The following QTMAN variants were observed in gnomAD, a reference collection of about 807,000 sequenced individuals.
QTMAN encodes tRNA-queuosine alpha-mannosyltransferase.
At chr2:144,266,226 G>A in the QTMAN span, among the ~76,000 whole-genome samples, 2 of 152,090 alleles carry the variant, frequency 1.3e-5, no homozygotes, top group African/African-American at 4.8e-5. Flanking sequence ...GATACTAGAA[G>A]GTTAATAAAG....
At chr2:143,958,242 T>A in the QTMAN span, among the ~76,000 whole-genome samples, 1 of 152,086 alleles carries the variant, frequency 6.6e-6, no homozygotes, top group African/African-American at 2.4e-5. Flanking sequence ...AATGTAGACA[T>A]AACTATCAAC....
chr2:144,178,279 C>T, the QTMAN span: 1 of 152,112 alleles, frequency 6.6e-6, no homozygotes, highest in Admixed American at 6.6e-5. Context: ...TCACGCTTAT[C>T]CACCATTTTG....
chr2:144,233,933 G>A, the QTMAN span, among the ~76,000 whole-genome samples: 1 of 151,936 alleles, frequency 6.6e-6, no homozygotes, highest in Non-Finnish European at 1.5e-5. Context: ...CAGAGACCAA[G>A]AAATACATGA....
chr2:144,177,293 A>G, the QTMAN span: 1 of 636,548 alleles, frequency 1.6e-6, no homozygotes. Context: ...TTTAAACTAG[A>G]CAAACTGATT....
chr2:144,261,015 T>C, the QTMAN span, among the ~76,000 whole-genome samples: 3 of 152,234 alleles, frequency 2.0e-5, 1 homozygote, highest in South Asian at 6.2e-4. Context: ...GAACCATACT[T>C]CCCATTCTAG....
At chr2:143,957,294 T>C in the QTMAN span, 14 of 1,609,682 alleles carry the variant, frequency 8.7e-6, no homozygotes, top group South Asian at 1.1e-4. Context: ...GTAGCCCCAG[T>C]GTAAGACAGA....
At chr2:143,993,644 G>A in the QTMAN span, among the ~76,000 whole-genome samples, 1 of 152,178 alleles carries the variant, frequency 6.6e-6, no homozygotes, top group African/African-American at 2.4e-5. Flanking sequence ...TGAGCCTCTG[G>A]AAGGAGTGAG....
At chr2:144,178,883 A>G in the QTMAN span, 62 of 419,270 alleles carry the variant, frequency 1.5e-4, no homozygotes, top group Admixed American at 1.2e-3. Context: ...TGCATTTTCA[A>G]TGTTGACCTG....
At chr2:144,280,665 T>C in the QTMAN span, among the ~76,000 whole-genome samples, 1 of 152,238 alleles carries the variant, frequency 6.6e-6, no homozygotes, top group South Asian at 2.1e-4. Context: ...AAAATGTATT[T>C]CGCCCACACA....
At chr2:144,256,722 AAAAGGGAGGG>A in the QTMAN span, among the ~76,000 whole-genome samples, 1 of 151,810 alleles carries the variant, frequency 6.6e-6, no homozygotes, top group Non-Finnish European at 1.5e-5. Flanking sequence ...AAAGGGGAGG[AAAAGGGAGGG>A]AAAGGCATTA....
At chr2:144,156,400 T>A in the QTMAN span, among the ~76,000 whole-genome samples, 1 of 152,042 alleles carries the variant, frequency 6.6e-6, no homozygotes, top group Non-Finnish European at 1.5e-5. Flanking sequence ...AAGAAATGTT[T>A]GAGAGAGAGT....
At chr2:144,028,688 GTTC>G in the QTMAN span, among the ~76,000 whole-genome samples, 2 of 152,096 alleles carry the variant, frequency 1.3e-5, no homozygotes, top group Admixed American at 6.5e-5. Flanking sequence ...AATATATATT[GTTC>G]TTCTACTGGA....
the QTMAN span, among the ~76,000 whole-genome samples, chr2:144,134,904 C>T: frequency 6.6e-6 from 1 of 151,740 alleles, no homozygotes; most frequent in South Asian, 2.1e-4. Flanking sequence ...TATATGCAAC[C>T]ATAATGAAAA....
the QTMAN span, among the ~76,000 whole-genome samples, chr2:144,314,358 T>C: frequency 1.3e-5 from 2 of 152,174 alleles, no homozygotes; most frequent in East Asian, 1.9e-4. Flanking sequence ...TCTATGGAAA[T>C]AGAAATCAGA....
chr2:144,025,164 C>G, the QTMAN span, among the ~76,000 whole-genome samples: 1 of 152,158 alleles, frequency 6.6e-6, no homozygotes, highest in South Asian at 2.1e-4. Flanking sequence ...TACCCCATCA[C>G]TCTCTAACAG....
At chr2:144,277,281 C>G in the QTMAN span, among the ~76,000 whole-genome samples, 1 of 151,954 alleles carries the variant, frequency 6.6e-6, no homozygotes, top group Non-Finnish European at 1.5e-5. Flanking sequence ...TTAGGCAGTA[C>G]TAGTCTACAG....
the QTMAN span, among the ~76,000 whole-genome samples, chr2:143,969,257 A>G: frequency 6.6e-6 from 1 of 152,174 alleles, no homozygotes; most frequent in Non-Finnish European, 1.5e-5. Context: ...CCTTCAATTA[A>G]CACTCGAAAC....
At chr2:143,974,772 C>T in the QTMAN span, among the ~76,000 whole-genome samples, 5 of 151,748 alleles carry the variant, frequency 3.3e-5, no homozygotes, top group African/African-American at 1.2e-4. Flanking sequence ...CACTTTAATG[C>T]TTTTAAGAAA....
chr2:144,052,714 C>T, the QTMAN span, among the ~76,000 whole-genome samples: 13 of 152,126 alleles, frequency 8.5e-5, no homozygotes, highest in Non-Finnish European at 1.8e-4. Context: ...TGCGGTGGCA[C>T]GATCTTAGCT....
Sources: allele counts gnomAD v4.1 joint callset (sites outside exome capture counted in the v4.1 genomes callset), GRCh38; gene constraint gnomAD v4.1.1; transcripts MANE v1.5; gene names NCBI Gene and HGNC (gene_info 2026-07-23, HGNC 2026-07-21).